The following C4orf33 variants were observed in gnomAD, a reference collection of about 807,000 sequenced individuals.
C4orf33 encodes the protein UPF0462 protein C4orf33.
Under a neutral mutation model 24.3 loss-of-function variants are expected in C4orf33, and 20 were observed. That is an observed-to-expected ratio of 0.82 (90% CI 0.58 to 1.19). The LOEUF (loss-of-function observed/expected upper bound fraction) is 1.19. Ranked by LOEUF, C4orf33 falls within the 50% of genes most tolerant of loss-of-function variation. The pLI, the probability that C4orf33 is intolerant of heterozygous loss-of-function variation, is 0.00. For missense variants in C4orf33, 207 were observed against 225.9 expected (o/e 0.92, Z 0.54); for synonymous variants, 67 against 76.4 (o/e 0.88, Z 0.64).
rs971830674 is a variant in C4orf33 at position 129,107,703 on chromosome 4, A to C, written c.242+1056A>C. Among the ~76,000 whole-genome samples, 6 of 152,052 alleles carry C rather than the reference A, an allele frequency of 3.9e-5. No homozygotes were observed. In the South Asian group the frequency reaches 8.3e-4, roughly 21 times the overall value. Reference sequence around the variant, plus strand: ...ATTAATTCTCATAAACTGCCATGAGAAGTAAGAAAATTTCAACTATTGTGT... The same window carrying C: ...ATTAATTCTCATAAACTGCCATGAGCAGTAAGAAAATTTCAACTATTGTGT... On this transcript the variant is annotated intron_variant, in intron 3 of 5. Transcript: ENST00000425929.
chr4:129,103,553 T>C (rs1561088862), intron 2 of C4orf33, among the ~76,000 whole-genome samples: 1 of 105,704 alleles, frequency 9.5e-6, no homozygotes, highest in Non-Finnish European at 2.2e-5. Flanking sequence ...CATATCAAAT[T>C]AAGACATGAC....
chr4:129,103,665 A>C (rs960303136), intron 2 of C4orf33, among the ~76,000 whole-genome samples: 4 of 152,326 alleles, frequency 2.6e-5, no homozygotes, highest in East Asian at 3.9e-4. Flanking sequence ...GCCATTTCCC[A>C]GATGATAAAT....
At chr4:129,097,781 C>A (rs1413576227) in intron 1 of C4orf33, among the ~76,000 whole-genome samples, 1 of 152,194 alleles carries the variant, frequency 6.6e-6, no homozygotes, top group African/African-American at 2.4e-5. Context: ...ATCAATTATG[C>A]CTCACTAGCA....
intron 5 of C4orf33, chr4:129,109,894 G>A: frequency 9.2e-7 from 1 of 1,082,620 alleles, no homozygotes; most frequent in Non-Finnish European, 1.2e-6. Context: ...TTTTTCCATA[G>A]TGGTATGAGA....
intron 2 of C4orf33, among the ~76,000 whole-genome samples, chr4:129,105,983 G>A (rs1229289601): frequency 6.6e-6 from 1 of 152,034 alleles, no homozygotes; most frequent in Non-Finnish European, 1.5e-5. Context: ...GCACATTTTG[G>A]TTGCTGTTCT....
rs1182961006 is a variant in C4orf33 at position 129,111,792 on chromosome 4, G to C, written c.*1G>C. 3.3e-6 allele frequency: 5 copies of C among 1,536,386 alleles called. No individual in the cohort carries two copies. The highest frequency in any genetic ancestry group is 1.7e-5 in the Admixed American group (1 of 59,074). ...GCTAATAGAGAAATGTGATATATAG[G>C]AGTAATAGATAACCATACCGATCAT... On this transcript the variant is annotated 3_prime_UTR_variant, in exon 6 of 6. Transcript: ENST00000425929.
rs922512218 is a variant in C4orf33 at position 129,102,756 on chromosome 4, C to T, written c.146C>T (p.Pro49Leu). The change falls in exon 2 of 6, where the codon CCA becomes CTA. Residue 49 changes from proline (P) to leucine (L), a missense_variant. By Grantham distance (98) the Pro-to-Leu change is moderately conservative. Coordinates refer to ENST00000425929, the MANE Select transcript of C4orf33 (RefSeq NM_001099783.2). ...GATCCTCCAGCCCCACTTGGAGAAC[C>T]AGGAAAACCTTTCAATGAACTGTGG... ...FRDPPAPLGE[P>L]GKPFNELWDY... is the part of the protein sequence containing the mutation. The T allele has an allele frequency of 6.2e-7, 1 of 1,613,524 alleles. No homozygotes were observed. Among genetic ancestry groups the T allele is most frequent in the African/African-American group, 1.3e-5 (1 of 74,868 alleles).
chr4:129,104,857 G>C (rs996786957), intron 2 of C4orf33, among the ~76,000 whole-genome samples: 3 of 152,036 alleles, frequency 2.0e-5, no homozygotes, highest in Admixed American at 1.3e-4. Flanking sequence ...GCCAATAAAG[G>C]TATTTCCAGA....
At position 129,109,523 on chromosome 4, in the gene C4orf33, AGG is replaced by A; in HGVS notation, c.346_347del (p.Gly116GlnfsTer27). The A allele has an allele frequency of 6.2e-7, 1 of 1,614,004 alleles. No homozygotes were observed. Among genetic ancestry groups the A allele is most frequent in the Non-Finnish European group, 8.5e-7 (1 of 1,179,860 alleles). ...TGTCCAGAGGAGAGACAAAATGGGA[AGG>A]CAAAGCTTATCTCCCTTGGAGTTAT... ...RMSRGETKWE[G>X]KAYLPWSYFP... On this transcript the variant is annotated frameshift_variant, in exon 5 of 6. Transcript: ENST00000425929. LOFTEE classifies it high-confidence loss of function.
At chr4:129,108,952 T>A (rs1351077716) in intron 3 of C4orf33, among the ~76,000 whole-genome samples, 5 of 152,146 alleles carry the variant, frequency 3.3e-5, no homozygotes, top group Non-Finnish European at 7.4e-5. Context: ...AGTGGCGCTA[T>A]CTTGGCTCAC....
In C4orf33 at chr4:129,108,078, A is replaced by G. The variant is rs567952955; in HGVS notation, c.243-1229A>G. Among the ~76,000 whole-genome samples the G allele has an allele frequency of 2.0e-5, 3 of 152,220 alleles. No individual in the cohort carries two copies. In the South Asian group the frequency reaches 6.2e-4, roughly 32 times the overall value. On this transcript the variant is annotated intron_variant, in intron 3 of 5. Coordinates refer to ENST00000425929, the MANE Select transcript of C4orf33 (RefSeq NM_001099783.2). Reference sequence around the variant, plus strand: ...TGTAACAGTTTATTAACCTCTAGGAAAGCAACAGGAAGAATTTTTTTTATT... The same window carrying G: ...TGTAACAGTTTATTAACCTCTAGGAGAGCAACAGGAAGAATTTTTTTTATT...
chr4:129,113,079 C>T lies in C4orf33; in HGVS notation c.*1288C>T, dbSNP rs1281926295. On this transcript the variant is annotated 3_prime_UTR_variant, in exon 6 of 6. Transcript: ENST00000425929. ...TTTTAGAGCATCTTGATTTTAGAAG[C>T]GAATCGAACACTGTGAATCACAGTT... 2 of 151,852 alleles carry T rather than the reference C, an allele frequency of 1.3e-5. No individual in the cohort carries two copies. The highest frequency in any genetic ancestry group is 2.1e-4 in the South Asian group (1 of 4,830). 9.4% of individuals were successfully genotyped at this position (151,852 alleles called of 1,614,324 possible). A position where few individuals can be genotyped will look rare whatever the true frequency, so the allele number is the denominator to read the frequency against.
At chr4:129,100,112 A>T in intron 1 of C4orf33, among the ~76,000 whole-genome samples, 1 of 152,182 alleles carries the variant, frequency 6.6e-6, no homozygotes, top group Non-Finnish European at 1.5e-5. Context: ...GAAAAGCAGA[A>T]GGAACCAGTA....
rs149388613 is a variant in C4orf33 at position 129,106,610 on chromosome 4, G to A, written c.205G>A (p.Asp69Asn). 1.3e-5 allele frequency: 20 copies of A among 1,548,194 alleles called. 1 individual carries two copies. The highest frequency in any genetic ancestry group is 1.8e-5 in the Non-Finnish European group (20 of 1,133,616). ...AGTTGTGGAAGCATTTTTCTTGAAT[G>A]ATATAACTGAGCAATATTTAGAAGT... ...YEVVEAFFLN[D>N]ITEQYLEVEL... is the part of the protein sequence containing the mutation. Residue 69 changes from aspartate (D) to asparagine (N), a missense_variant, in exon 3 of 6, where the codon GAT (aspartate) becomes AAT (asparagine). Transcript: ENST00000425929.
At position 129,115,825 on chromosome 4, in the gene C4orf33, TA is replaced by T. The variant is rs1753768272; in HGVS notation, c.*4035del. 2.4e-4 allele frequency: 13 copies of T among 53,654 alleles called. No homozygotes were observed. Among genetic ancestry groups the T allele is most frequent in the Admixed American group, 6.3e-4 (3 of 4,778 alleles). The allele number at this position is 53,654 out of a possible 1,614,324, so 3.3% of individuals were successfully genotyped here. A position where few individuals can be genotyped will look rare whatever the true frequency, so the allele number is the denominator to read the frequency against. On this transcript the variant is annotated 3_prime_UTR_variant, in exon 6 of 6. Coordinates refer to ENST00000425929, the MANE Select transcript of C4orf33 (RefSeq NM_001099783.2). ...AAATATATATATATATATATATATA[TA>T]TATAAAATATATATGTTTATATATA...
intron 2 of C4orf33, 101 bp downstream of exon 2, chr4:129,102,892 G>T: frequency 9.5e-7 from 1 of 1,050,856 alleles, no homozygotes; most frequent in South Asian, 1.7e-5. Flanking sequence ...AAGTGCTTCT[G>T]AGCAATTGAC....
In C4orf33 at chr4:129,109,307, C is replaced by T. The variant is rs1753614217; in HGVS notation, c.243C>T (p.Pro81=). 1 of 1,613,546 alleles carries T rather than the reference C, an allele frequency of 6.2e-7. No homozygotes were observed. The highest frequency in any genetic ancestry group is 2.2e-5 in the East Asian group (1 of 44,886). The change falls in exon 4 of 6, where the codon CCC becomes CCT. Residue 81 remains proline, a splice_region_variant and synonymous_variant. Coordinates refer to ENST00000425929, the MANE Select transcript of C4orf33 (RefSeq NM_001099783.2). ...TCATGAGGAATCTTAATTTTGACAG[C>T]CACGGACAGCATTTAGTGCTTTTAC... ...TEQYLEVELC[P]HGQHLVLLLS...
chr4:129,112,269 T>C lies in C4orf33; in HGVS notation c.*478T>C, dbSNP rs967191475. The C allele has an allele frequency of 6.6e-6, 1 of 152,526 alleles. No homozygotes were observed. Among genetic ancestry groups the C allele is most frequent in the Non-Finnish European group, 1.5e-5 (1 of 68,284 alleles). 9.4% of individuals were successfully genotyped at this position (152,526 alleles called of 1,614,324 possible). On this transcript the variant is annotated 3_prime_UTR_variant, in exon 6 of 6. Coordinates refer to ENST00000425929, the MANE Select transcript of C4orf33 (RefSeq NM_001099783.2). ...AGGAAAATGGATAGACAAACTACAA[T>C]ATAGTCAGTGGAATACTGTTCATTT...
Position 129,109,658 on chromosome 4 carries a change from A to G in C4orf33, c.480A>G (p.Gly160=). 3.1e-6 allele frequency: 5 copies of G among 1,613,148 alleles called. No individual in the cohort carries two copies. The highest frequency in any genetic ancestry group is 4.2e-6 in the Non-Finnish European group (5 of 1,179,614). The change falls in exon 5 of 6, where the codon GGA becomes GGG. Residue 160 remains glycine, a synonymous_variant. Transcript: ENST00000425929. ...TACCTCAGCATGAACTGCAGCAAGG[A>G]CAAAAACCTGATTTGTAAGTAGAAA... ...YPVPQHELQQ[G]QKPDFHCLEY... is the part of the protein sequence containing the mutation.
Sources: allele counts gnomAD v4.1 joint callset (sites outside exome capture counted in the v4.1 genomes callset), GRCh38; gene constraint gnomAD v4.1.1; transcripts MANE v1.5; gene names NCBI Gene and HGNC (gene_info 2026-07-23, HGNC 2026-07-21).